The following OR13J1 variants were observed in gnomAD, a reference collection of about 807,000 sequenced individuals.
OR13J1 encodes olfactory receptor 13J1.
In OR13J1, 6 loss-of-function variants were observed where a neutral mutation model predicts 6.4. That is an observed-to-expected ratio of 0.93 (90% CI 0.51 to 1.84). The LOEUF is 1.84. Ranked by LOEUF, OR13J1 falls within the 40% of genes most tolerant of loss-of-function variation. OR13J1 has a pLI of 0.01. For missense variants in OR13J1, 382 were observed against 395.6 expected, an observed-to-expected ratio of 0.97 and a Z score of 0.29; for synonymous variants, 175 against 182.4, an observed-to-expected ratio of 0.96 and a Z score of 0.33.
At position 35,870,254 on chromosome 9, in the gene OR13J1, C is replaced by G. The variant is rs755771108; in HGVS notation, c.148G>C (p.Val50Leu). 8 of 1,614,166 alleles carry G rather than the reference C, an allele frequency of 5.0e-6. No homozygotes were observed. Among genetic ancestry groups the G allele is most frequent in the Non-Finnish European group, 6.8e-6 (8 of 1,180,008 alleles). ...GGCGTGTGCAGGTGGATATCTAGCA[C>G]GCTCACCGCCATGATGGCTGTGTTC... ...LGNTAIMAVS[V>L]LDIHLHTPVY... The change falls in exon 1 of 1, where the codon GTG becomes CTG. Residue 50 changes from valine (V) to leucine (L), a missense_variant. Coordinates refer to ENST00000377981, the MANE Select transcript of OR13J1 (RefSeq NM_001004487.1).
Position 35,869,544 on chromosome 9 carries a change from G to T in OR13J1, c.858C>A (p.Asn286Lys), listed in dbSNP as rs1256571299. Residue 286 changes from asparagine (N) to lysine (K), a missense_variant, in exon 1 of 1, where the codon AAC (asparagine) becomes AAA (lysine). By Grantham distance (94) the Asn-to-Lys change is moderately conservative. Coordinates refer to ENST00000377981, the MANE Select transcript of OR13J1 (RefSeq NM_001004487.1). ...VLYAMVTTML[N>K]PTIYSLRNKE... ...TGTTCCTCAGGCTGTAGATGGTGGG[G>T]TTCAGCATGGTCGTGACCATGGCAT... The T allele has an allele frequency of 2.5e-6, 4 of 1,613,986 alleles. No homozygotes were observed. In the African/African-American group the frequency reaches 4.0e-5, roughly 16 times the overall value.
rs779776730 is a variant in OR13J1, at chr9:35,869,611, C to T, written c.791G>A (p.Ser264Asn). 21 of 1,613,974 alleles carry T rather than the reference C, an allele frequency of 1.3e-5. No individual in the cohort carries two copies. The highest frequency in any genetic ancestry group is 1.6e-5 in the Non-Finnish European group (19 of 1,180,030). ...TIIFMYLKPKSKEAHISDEVF... is the reference protein window; with the variant it reads ...TIIFMYLKPKNKEAHISDEVF... ...CTCATCAGAGATGTGGGCTTCCTTA[C>T]TCTTGGGCTTCAAGTACATGAAGAT... The change falls in exon 1 of 1, where the codon AGT becomes AAT. Residue 264 changes from serine (S) to asparagine (N), a missense_variant. Ser to Asn is a conservative substitution (Grantham distance 46, BLOSUM62 1). Transcript: ENST00000377981.
At position 35,870,204 on chromosome 9, in the gene OR13J1, G is replaced by A; in HGVS notation, c.198C>T (p.Leu66=). ...HTPVYFFLGN[L]STLDICYTPT... is the part of the protein sequence containing the mutation. ...GCGTGTAGCAGATGTCCAGGGTAGA[G>A]AGGTTGCCCAGGAAGAAGTACACGG... The change falls in exon 1 of 1, where the codon CTC becomes CTT. Residue 66 remains leucine, a synonymous_variant. Transcript: ENST00000377981. The A allele has an allele frequency of 1.2e-6, 2 of 1,614,178 alleles. No individual in the cohort carries two copies. The highest frequency in any genetic ancestry group is 8.5e-7 in the Non-Finnish European group (1 of 1,179,986).
chr9:35,870,081 C>G lies in OR13J1; in HGVS notation c.321G>C (p.Thr107=). 1 of 1,614,194 alleles carries G rather than the reference C, an allele frequency of 6.2e-7. No individual in the cohort carries two copies. Among genetic ancestry groups the G allele is most frequent in the Admixed American group, 1.7e-5 (1 of 60,030 alleles). ...CAIQMCLSLS[T]GSTECLLLAI... Reference sequence around the variant, plus strand: ...CCAGTAGCAGGCACTCCGTGGAGCCCGTGGACAGGCTCAGACACATCTGGA... The same window carrying G: ...CCAGTAGCAGGCACTCCGTGGAGCCGGTGGACAGGCTCAGACACATCTGGA... Residue 107 remains threonine (T), a synonymous_variant, in exon 1 of 1, where the codon ACG becomes ACC. Coordinates refer to ENST00000377981, the MANE Select transcript of OR13J1 (RefSeq NM_001004487.1).
In OR13J1 at chr9:35,869,876, G is replaced by C; in HGVS notation, c.526C>G (p.His176Asp). The C allele has an allele frequency of 6.2e-7, 1 of 1,614,180 alleles. No individual in the cohort carries two copies. Residue 176 changes from histidine (H) to aspartate (D), a missense_variant, in exon 1 of 1, where the codon CAC (histidine) becomes GAC (aspartate). Physicochemically the swap from His to Asp is moderately conservative, Grantham distance 81. Coordinates refer to ENST00000377981, the MANE Select transcript of OR13J1 (RefSeq NM_001004487.1). The part of the protein sequence containing the change: ...LPFCGHHVVS[H>D]FTCKILAVLK... ...ACTGCCAGGATCTTGCAGGTGAAGT[G>C]ACTGACCACGTGGTGGCCACAGAAG...
rs143783247 is a variant in OR13J1 at position 35,870,156 on chromosome 9, C to T, written c.246G>A (p.Leu82=). ...TCTTCCGGGATGACAGGAGGTGGAC[C>T]AGCATCAGAGGCACAAAGGTGGGCG... ...CYTPTFVPLM[L]VHLLSSRKTI... is the part of the protein sequence containing the mutation. The change falls in exon 1 of 1, where the codon CTG becomes CTA. Residue 82 remains leucine, a synonymous_variant. Coordinates refer to ENST00000377981, the MANE Select transcript of OR13J1 (RefSeq NM_001004487.1). 8 of 1,614,064 alleles carry T rather than the reference C, an allele frequency of 5.0e-6. No homozygotes were observed. The highest frequency in any genetic ancestry group is 6.8e-6 in the Non-Finnish European group (8 of 1,180,038).
rs1427900735 is a variant in OR13J1, at chr9:35,869,842, A to G, written c.560T>C (p.Leu187Pro). 4.3e-6 allele frequency: 7 copies of G among 1,614,044 alleles called. No individual in the cohort carries two copies. The African/African-American group carries it at 9.3e-5, about 22-fold the overall frequency. ...FTCKILAVLK[L>P]ACGNTSVSED... The stretch of plus-strand genomic sequence containing the variant: ...GCTGACCGACGTGTTGCCGCATGCC[A>G]GCTTCAGCACTGCCAGGATCTTGCA... The change falls in exon 1 of 1, where the codon CTG (leucine) becomes CCG (proline). Residue 187 changes from leucine to proline, a missense_variant. By Grantham distance (98) the Leu-to-Pro change is moderately conservative. Coordinates refer to ENST00000377981, the MANE Select transcript of OR13J1 (RefSeq NM_001004487.1).
Position 35,869,520 on chromosome 9 carries a change from G to T in OR13J1, c.882C>A (p.Asn294Lys). ...TCCTGGCGGCCTCCTTCACCTCCTT[G>T]TTCCTCAGGCTGTAGATGGTGGGGT... ...MLNPTIYSLRNKEVKEAARKV... is the reference protein window; with the variant it reads ...MLNPTIYSLRKKEVKEAARKV... Residue 294 changes from asparagine to lysine, a missense_variant, in exon 1 of 1, where the codon AAC (asparagine) becomes AAA (lysine). By Grantham distance (94) the Asn-to-Lys change is moderately conservative (BLOSUM62 0). Transcript: ENST00000377981. The T allele has an allele frequency of 6.2e-7, 1 of 1,614,048 alleles. No individual in the cohort carries two copies. The highest frequency in any genetic ancestry group is 1.3e-5 in the African/African-American group (1 of 75,032).
Position 35,869,690 on chromosome 9 carries a change from A to G in OR13J1, c.712T>C (p.Phe238Leu). ...GCCAGGTGTGCCAAGCAGGTGGAGA[A>G]GGCTTTGCAGCACCTGGCGGCCGAG... ...VPSAARCCKA[F>L]STCLAHLAVV... The change falls in exon 1 of 1, where the codon TTC becomes CTC. Residue 238 changes from phenylalanine to leucine, a missense_variant. Transcript: ENST00000377981. 1 of 1,613,814 alleles carries G rather than the reference A, an allele frequency of 6.2e-7. No individual in the cohort carries two copies. The highest frequency in any genetic ancestry group is 8.5e-7 in the Non-Finnish European group (1 of 1,180,002).
chr9:35,869,819 T>A lies in OR13J1; in HGVS notation c.583A>T (p.Ser195Cys). ...LKLACGNTSV[S>C]EDFLLAGSIL... ...GAGCCCGCCAGCAGGAAGTCTTCGCTGACCGACGTGTTGCCGCATGCCAGC... is the reference window on the plus strand; with the variant it reads ...GAGCCCGCCAGCAGGAAGTCTTCGCAGACCGACGTGTTGCCGCATGCCAGC... The change falls in exon 1 of 1, where the codon AGC (serine) becomes TGC (cysteine). Residue 195 changes from serine (S) to cysteine (C), a missense_variant. Physicochemically the swap from Ser to Cys is moderately radical, Grantham distance 112. Coordinates refer to ENST00000377981, the MANE Select transcript of OR13J1 (RefSeq NM_001004487.1). The A allele has an allele frequency of 6.2e-7, 1 of 1,614,086 alleles. No homozygotes were observed. The highest frequency in any genetic ancestry group is 2.2e-5 in the East Asian group (1 of 44,892).
chr9:35,869,645 C>A lies in OR13J1; in HGVS notation c.757G>T (p.Gly253Cys). 6.2e-7 allele frequency: 1 copy of A among 1,614,018 alleles called. No individual in the cohort carries two copies. The highest frequency in any genetic ancestry group is 8.5e-7 in the Non-Finnish European group (1 of 1,180,004). ...AHLAVVLLFYGTIIFMYLKPK... is the reference protein window; with the variant it reads ...AHLAVVLLFYCTIIFMYLKPK... ...TTCAAGTACATGAAGATGATGGTGC[C>A]GTAGAAAAGCAGCACTACAGCCAGG... Residue 253 changes from glycine (G) to cysteine (C), a missense_variant, in exon 1 of 1, where the codon GGC becomes TGC. By Grantham distance (159) the Gly-to-Cys change is radical (BLOSUM62 -3). Transcript: ENST00000377981.
rs1464318405 is a variant in OR13J1 at position 35,870,276 on chromosome 9, G to A, written c.126C>T (p.Asn42=). Residue 42 remains asparagine (N), a synonymous_variant, in exon 1 of 1, where the codon AAC becomes AAT. Transcript: ENST00000377981. ...GCACGCTCACCGCCATGATGGCTGT[G>A]TTCCCCAGGAGGGTCACCAGGTACA... ...SAMYLVTLLG[N]TAIMAVSVLD... 1.9e-6 allele frequency: 3 copies of A among 1,614,216 alleles called. No homozygotes were observed. Among genetic ancestry groups the A allele is most frequent in the Non-Finnish European group, 8.5e-7 (1 of 1,180,008 alleles).
In OR13J1 at chr9:35,869,589, A is replaced by C; in HGVS notation, c.813T>G (p.Asp271Glu). The C allele has an allele frequency of 6.2e-7, 1 of 1,614,158 alleles. No individual in the cohort carries two copies. Among genetic ancestry groups the C allele is most frequent in the South Asian group, 1.1e-5 (1 of 91,086 alleles). Residue 271 changes from aspartate to glutamate, a missense_variant, in exon 1 of 1, where the codon GAT (aspartate) becomes GAG (glutamate). Asp to Glu is a conservative substitution (Grantham distance 45). Coordinates refer to ENST00000377981, the MANE Select transcript of OR13J1 (RefSeq NM_001004487.1). ...TGGCATAGAGGACTGTGAAGACCTCATCAGAGATGTGGGCTTCCTTACTCT... is the reference window on the plus strand; with the variant it reads ...TGGCATAGAGGACTGTGAAGACCTCCTCAGAGATGTGGGCTTCCTTACTCT... The part of the protein sequence containing the change: ...KPKSKEAHIS[D>E]EVFTVLYAMV...
rs569130181 is a variant in OR13J1 at position 35,870,181 on chromosome 9, G to A, written c.221C>T (p.Thr74Met). 41 of 1,614,216 alleles carry A rather than the reference G, an allele frequency of 2.5e-5. No homozygotes were observed. The highest frequency in any genetic ancestry group is 2.3e-4 in the African/African-American group (17 of 75,050). The change falls in exon 1 of 1, where the codon ACG (threonine) becomes ATG (methionine). Residue 74 changes from threonine to methionine, a missense_variant. Transcript: ENST00000377981. ...CAGCATCAGAGGCACAAAGGTGGGC[G>A]TGTAGCAGATGTCCAGGGTAGAGAG... ...GNLSTLDICY[T>M]PTFVPLMLVH...
At position 35,869,977 on chromosome 9, in the gene OR13J1, A is replaced by G. The variant is rs771882037; in HGVS notation, c.425T>C (p.Val142Ala). ...GACCCAGGCAGCTCCCATCAGCAGCACGCAGAGCCGGTGGCTCATGAGCAC... is the reference window on the plus strand; with the variant it reads ...GACCCAGGCAGCTCCCATCAGCAGCGCGCAGAGCCGGTGGCTCATGAGCAC... ...YHVLMSHRLC[V>A]LLMGAAWVLC... Residue 142 changes from valine to alanine, a missense_variant, in exon 1 of 1, where the codon GTG (valine) becomes GCG (alanine). Transcript: ENST00000377981. The G allele has an allele frequency of 6.2e-7, 1 of 1,614,228 alleles. No homozygotes were observed. Among genetic ancestry groups the G allele is most frequent in the Non-Finnish European group, 8.5e-7 (1 of 1,180,022 alleles).
Position 35,869,540 on chromosome 9 carries a change from T to TG in OR13J1, c.861dup (p.Thr288HisfsTer?), listed in dbSNP as rs1283265782. The TG allele has an allele frequency of 6.2e-7, 1 of 1,613,740 alleles. No homozygotes were observed. The highest frequency in any genetic ancestry group is 8.5e-7 in the Non-Finnish European group (1 of 1,179,902). The stretch of plus-strand genomic sequence containing the variant: ...TCCTTGTTCCTCAGGCTGTAGATGG[T>TG]GGGGTTCAGCATGGTCGTGACCATG... On this transcript the variant is annotated frameshift_variant, in exon 1 of 1. Transcript: ENST00000377981. LOFTEE classifies it high-confidence loss of function.
rs759494405 is a variant in OR13J1 at position 35,870,147 on chromosome 9, G to A, written c.255C>T (p.Leu85=). The A allele has an allele frequency of 1.2e-6, 2 of 1,614,268 alleles. No individual in the cohort carries two copies. The highest frequency in any genetic ancestry group is 3.3e-5 in the Admixed American group (2 of 60,032). Residue 85 remains leucine (L), a synonymous_variant, in exon 1 of 1, where the codon CTC becomes CTT. Transcript: ENST00000377981. ...PTFVPLMLVH[L]LSSRKTISFA... Reference sequence around the variant, plus strand: ...AGGAGATGGTCTTCCGGGATGACAGGAGGTGGACCAGCATCAGAGGCACAA... The same window carrying A: ...AGGAGATGGTCTTCCGGGATGACAGAAGGTGGACCAGCATCAGAGGCACAA...
At position 35,870,040 on chromosome 9, in the gene OR13J1, T is replaced by C. The variant is rs548898522; in HGVS notation, c.362A>G (p.Asp121Gly). The C allele has an allele frequency of 6.2e-7, 1 of 1,614,040 alleles. No homozygotes were observed. The highest frequency in any genetic ancestry group is 2.2e-5 in the East Asian group (1 of 44,870). Residue 121 changes from aspartate (D) to glycine (G), a missense_variant, in exon 1 of 1, where the codon GAC (aspartate) becomes GGC (glycine). Coordinates refer to ENST00000377981, the MANE Select transcript of OR13J1 (RefSeq NM_001004487.1). Reference sequence around the variant, plus strand: ...TGGCTGGCAGATGGCCAGGTAGCGGTCATAGGCCGTGATGGCCAGTAGCAG... The same window carrying C: ...TGGCTGGCAGATGGCCAGGTAGCGGCCATAGGCCGTGATGGCCAGTAGCAG... ...ECLLLAITAY[D>G]RYLAICQPLR...
chr9:35,869,613 C>G lies in OR13J1; in HGVS notation c.789G>C (p.Lys263Asn). ...CATCAGAGATGTGGGCTTCCTTACT[C>G]TTGGGCTTCAAGTACATGAAGATGA... ...GTIIFMYLKPKSKEAHISDEV... is the reference protein window; with the variant it reads ...GTIIFMYLKPNSKEAHISDEV... The change falls in exon 1 of 1, where the codon AAG becomes AAC. Residue 263 changes from lysine (K) to asparagine (N), a missense_variant. Lys to Asn is a moderately conservative substitution (Grantham distance 94, BLOSUM62 0). Coordinates refer to ENST00000377981, the MANE Select transcript of OR13J1 (RefSeq NM_001004487.1). 1 of 1,614,112 alleles carries G rather than the reference C, an allele frequency of 6.2e-7. No individual in the cohort carries two copies.
Sources: gnomAD v4.1 joint callset for allele counts on GRCh38, gnomAD v4.1.1 for gene constraint, MANE v1.5 for transcripts, NCBI Gene and HGNC (gene_info 2026-07-23, HGNC 2026-07-21) for gene names.